BMPER: variants seen among roughly 807,000 people sequenced by gnomAD.
BMPER encodes the protein BMP-binding endothelial regulator protein.
A neutral mutation model predicts 87.3 loss-of-function variants in BMPER; 45 were observed. That is an observed-to-expected ratio of 0.52 (90% CI 0.41 to 0.66). The LOEUF (loss-of-function observed/expected upper bound fraction) is 0.66. BMPER is among the 30% of genes least tolerant of loss of function. BMPER has a pLI of 0.00. For missense variants in BMPER, 784 were observed against 867.5 expected (o/e 0.90, Z 1.21); for synonymous variants, 326 against 316.2 (o/e 1.03, Z -0.33).
intron 3 of BMPER, among the ~76,000 whole-genome samples, chr7:33,945,957 G>A (rs1005582165): frequency 2.0e-5 from 3 of 152,128 alleles, no homozygotes; most frequent in Non-Finnish European, 2.9e-5. Flanking sequence ...TGGTTGGGAA[G>A]TTCTCTGGGG....
chr7:34,010,979 T>C (rs891245660), intron 6 of BMPER, among the ~76,000 whole-genome samples: 25 of 152,070 alleles, frequency 1.6e-4, no homozygotes, highest in African/African-American at 6.0e-4. Context: ...TGTGAATACT[T>C]GAATTTAAGA....
At chr7:33,966,585 C>G in intron 4 of BMPER, 24 bp downstream of exon 4, 1 of 1,607,810 alleles carries the variant, frequency 6.2e-7, no homozygotes, top group Non-Finnish European at 8.5e-7. Context: ...ATTTCTCTCT[C>G]CAGTAAAAAG....
intron 3 of BMPER, among the ~76,000 whole-genome samples, chr7:33,954,395 C>G (rs543197710): frequency 7.0e-4 from 106 of 152,298 alleles, no homozygotes; most frequent in African/African-American, 2.1e-3. Context: ...ATATATAGTA[C>G]TTTAAACTGT....
At position 34,065,188 on chromosome 7, in the gene BMPER, C is replaced by T. The variant is rs188012165; in HGVS notation, c.1078+3141C>T. Reference sequence around the variant, plus strand: ...TCTCTCCCTCTCTCTCGGACACACACACACATACACACTCACTCTCTCTCT... The same window carrying T: ...TCTCTCCCTCTCTCTCGGACACACATACACATACACACTCACTCTCTCTCT... On this transcript the variant is annotated intron_variant, in intron 11 of 14. Coordinates refer to ENST00000649409, the MANE Select transcript of BMPER (RefSeq NM_001365308.1). Among the ~76,000 whole-genome samples the T allele has an allele frequency of 2.0e-5, 3 of 150,764 alleles. No individual in the cohort carries two copies. In the Admixed American group the frequency reaches 2.0e-4, roughly 10 times the overall value.
At chr7:33,954,406 G>A (rs542561046) in intron 3 of BMPER, among the ~76,000 whole-genome samples, 12 of 152,206 alleles carry the variant, frequency 7.9e-5, no homozygotes, top group Non-Finnish European at 1.8e-4. Flanking sequence ...TTTAAACTGT[G>A]ATGTGCTGAA....
At chr7:34,086,131 A>G (rs1789200975) in intron 13 of BMPER, 39 bp downstream of exon 13, 1 of 1,595,136 alleles carries the variant, frequency 6.3e-7, no homozygotes, top group Non-Finnish European at 8.6e-7. Flanking sequence ...TGGGTTGCAG[A>G]CCAATAATAG....
chr7:34,006,042 G>A (rs1312835581), intron 6 of BMPER, among the ~76,000 whole-genome samples: 1 of 151,782 alleles, frequency 6.6e-6, no homozygotes, highest in Non-Finnish European at 1.5e-5. Context: ...ATTTGTAAAG[G>A]GGTATTCCCC....
At position 34,065,680 on chromosome 7, in the gene BMPER, C is replaced by T. The variant is rs1359083117; in HGVS notation, c.1078+3633C>T. ...CTAACCCTGCAAAAAATTATGAAGG[C>T]GTAATTATATCTTGAATGATTAAAA... On this transcript the variant is annotated intron_variant, in intron 11 of 14. Transcript: ENST00000649409. 2.6e-5 allele frequency among the ~76,000 whole-genome samples: 4 copies of T among 152,044 alleles called. No homozygotes were observed. In the South Asian group the frequency reaches 6.2e-4, roughly 24 times the overall value.
chr7:34,062,937 A>G (rs1407449837), intron 11 of BMPER, among the ~76,000 whole-genome samples: 2 of 152,166 alleles, frequency 1.3e-5, no homozygotes, highest in African/African-American at 4.8e-5. Flanking sequence ...CCTTCTAAGC[A>G]TGGCCTATTC....
chr7:34,069,939 G>C (rs986779685), intron 11 of BMPER, among the ~76,000 whole-genome samples: 1 of 152,014 alleles, frequency 6.6e-6, no homozygotes, highest in Non-Finnish European at 1.5e-5. Flanking sequence ...TTCCGCGTTA[G>C]TACTCTCTGC....
At chr7:33,922,423 C>G (rs891256550) in intron 2 of BMPER, among the ~76,000 whole-genome samples, 3 of 152,230 alleles carry the variant, frequency 2.0e-5, no homozygotes, top group Admixed American at 1.3e-4. Context: ...GGCTGTTCCT[C>G]CTCCACGCAG....
chr7:34,135,288 A>T (rs560984703), intron 13 of BMPER, among the ~76,000 whole-genome samples: 1 of 152,240 alleles, frequency 6.6e-6, no homozygotes, highest in Admixed American at 6.5e-5. Flanking sequence ...AGCAGTTGAC[A>T]GGGAGGGAGG....
rs577028828 is a variant in BMPER at position 34,069,697 on chromosome 7, A to G, written c.1078+7650A>G. Among the ~76,000 whole-genome samples the G allele has an allele frequency of 2.8e-4, 42 of 152,316 alleles. 1 individual carries two copies. The South Asian group carries it at 8.3e-3, about 30-fold the overall frequency. Reference sequence around the variant, plus strand: ...TGAGGTTTGCCAGTTACTTTCTTTTATACATGACTAGTGGCTTCTACTTAC... The same window carrying G: ...TGAGGTTTGCCAGTTACTTTCTTTTGTACATGACTAGTGGCTTCTACTTAC... On this transcript the variant is annotated intron_variant, in intron 11 of 14. Transcript: ENST00000649409.
intron 6 of BMPER, among the ~76,000 whole-genome samples, chr7:33,982,398 G>A (rs1350925328): frequency 6.6e-6 from 1 of 152,040 alleles, no homozygotes; most frequent in Non-Finnish European, 1.5e-5. Flanking sequence ...GGGCCAAAAA[G>A]CCCCAGAGGA....
intron 13 of BMPER, among the ~76,000 whole-genome samples, chr7:34,137,997 C>G (rs1468456071): frequency 6.6e-6 from 1 of 152,186 alleles, no homozygotes; most frequent in Non-Finnish European, 1.5e-5. Flanking sequence ...GCAGCACCAT[C>G]TAATAGCACT....
intron 12 of BMPER, among the ~76,000 whole-genome samples, chr7:34,081,666 C>T (rs1156353569): frequency 6.6e-6 from 1 of 152,232 alleles, no homozygotes; most frequent in East Asian, 1.9e-4. Flanking sequence ...TTCACTTCAT[C>T]AACTTTACCT....
intron 12 of BMPER, among the ~76,000 whole-genome samples, chr7:34,082,328 G>GTTTTTTTTTTTTTTGTTTT (rs1789072566): frequency 8.6e-6 from 1 of 116,442 alleles, no homozygotes; most frequent in Non-Finnish European, 1.7e-5. Context: ...CAACTTATTA[G>GTTTTTTTTTTTTTTGTTTT]TTTTTTTTTT....
intron 3 of BMPER, among the ~76,000 whole-genome samples, chr7:33,948,646 C>T (rs1250781668): frequency 6.6e-6 from 1 of 152,156 alleles, no homozygotes; most frequent in Non-Finnish European, 1.5e-5. Context: ...AATTGTGTGG[C>T]ACTTCTCCCT....
rs115138202 is a variant in BMPER at position 33,928,178 on chromosome 7, T to C, written c.220-9111T>C. Reference sequence around the variant, plus strand: ...AAGAGAGAAGGGTTGACTGAGGCATTTGGGCCCAGTAAAGGCAGGACGCCA... The same window carrying C: ...AAGAGAGAAGGGTTGACTGAGGCATCTGGGCCCAGTAAAGGCAGGACGCCA... On this transcript the variant is annotated intron_variant, in intron 2 of 14. Coordinates refer to ENST00000649409, the MANE Select transcript of BMPER (RefSeq NM_001365308.1). 7.1e-3 allele frequency among the ~76,000 whole-genome samples: 1,077 copies of C among 152,172 alleles called. 17 individuals carry two copies. The highest frequency in any genetic ancestry group is 0.025 in the African/African-American group (1,031 of 41,492).
Sources: gnomAD v4.1 joint callset for allele counts (sites outside exome capture counted in the v4.1 genomes callset) on GRCh38, gnomAD v4.1.1 for gene constraint, MANE v1.5 for transcripts, NCBI Gene and HGNC (gene_info 2026-07-23, HGNC 2026-07-21) for gene names.